The following PDE4DIP variants were observed in gnomAD, a reference collection of about 807,000 sequenced individuals.
PDE4DIP encodes the protein myomegalin.
A neutral mutation model predicts 221.4 loss-of-function variants in PDE4DIP; 59 were observed. That is an observed-to-expected ratio of 0.27 (90% CI 0.22 to 0.33). The LOEUF is 0.33. Ranked by LOEUF, PDE4DIP falls within the 10% of genes least tolerant of loss-of-function variation. The pLI, the probability that PDE4DIP is intolerant of heterozygous loss-of-function variation, is 1.00. For missense variants in PDE4DIP, 1,036 were observed against 2,154.2 expected, an observed-to-expected ratio of 0.48 and a Z score of 10.28; for synonymous variants, 404 against 815.9, an observed-to-expected ratio of 0.50 and a Z score of 8.60.
chr1:148,816,812 AC>A (rs1393068451), intron 1 of PDE4DIP, among the ~76,000 whole-genome samples: 2 of 57,688 alleles, frequency 3.5e-5, no homozygotes, highest in Non-Finnish European at 8.2e-5. Flanking sequence ...AAAAATGTAG[AC>A]CCCTCTGTTC....
chr1:148,938,153 G>C lies in PDE4DIP; in HGVS notation c.636+289G>C, dbSNP rs587620994. On this transcript the variant is annotated intron_variant, in intron 5 of 43. Coordinates refer to ENST00000369354, the Ensembl canonical transcript of PDE4DIP. The stretch of plus-strand genomic sequence containing the variant: ...AAGGATCGGCTTCTAAGCTCCTCAG[G>C]CTGTTGGAAGGATTTATTGCTGTGT... The C allele has an allele frequency of 2.1e-3, 467 of 226,238 alleles. 2 individuals are homozygous for C. Among genetic ancestry groups the C allele is most frequent in the Non-Finnish European group, 3.3e-3 (371 of 113,988 alleles). The allele number at this position is 226,238 out of a possible 1,614,324, so 14.0% of individuals were successfully genotyped here.
chr1:148,987,324 G>A (rs1489015539), intron 21 of PDE4DIP, among the ~76,000 whole-genome samples: 2 of 152,160 alleles, frequency 1.3e-5, no homozygotes, highest in African/African-American at 4.8e-5. Flanking sequence ...GTTTTCTTAT[G>A]ATCCTGAAGG....
At chr1:148,931,682 A>T in intron 2 of PDE4DIP, 118 bp from the exon 6 acceptor site, 1 of 943,666 alleles carries the variant, frequency 1.1e-6, no homozygotes, top group South Asian at 1.3e-5. Context: ...TGGTGGAAAT[A>T]TAAACCAGTT....
At chr1:148,990,315 A>T in intron 21 of PDE4DIP, 1 of 985,206 alleles carries the variant, frequency 1.0e-6, no homozygotes, top group Middle Eastern at 5.2e-4. Flanking sequence ...GAAGGGGAAG[A>T]AACAAAACCC....
At chr1:148,955,683 G>A (rs1208850718) in intron 5 of PDE4DIP, among the ~76,000 whole-genome samples, 4 of 151,702 alleles carry the variant, frequency 2.6e-5, no homozygotes, top group African/African-American at 7.3e-5. Flanking sequence ...AAGGATGCTC[G>A]GAGGATTCTT....
At chr1:149,007,118 A>G (rs1553599684) in intron 27 of PDE4DIP, 83 bp from the exon 31 acceptor site, 2 of 666,324 alleles carry the variant, frequency 3.0e-6, no homozygotes, top group African/African-American at 1.8e-5. Flanking sequence ...TTCTCATAGA[A>G]ATCTCTACAG....
At chr1:149,011,121 C>G (rs1446679631) in intron 31 of PDE4DIP, among the ~76,000 whole-genome samples, 7 of 152,006 alleles carry the variant, frequency 4.6e-5, no homozygotes, top group Non-Finnish European at 1.0e-4. Context: ...TAGTGCATAT[C>G]TTGGGGGCAG....
chr1:148,919,265 T>C (rs2044854844), intron 1 of PDE4DIP, among the ~76,000 whole-genome samples: 1 of 151,430 alleles, frequency 6.6e-6, no homozygotes, highest in South Asian at 2.1e-4. Flanking sequence ...CAGGTGGTAT[T>C]ATCATTCTTA....
chr1:148,955,456 T>G (rs2055017728), intron 5 of PDE4DIP, among the ~76,000 whole-genome samples: 1 of 152,144 alleles, frequency 6.6e-6, no homozygotes, highest in Non-Finnish European at 1.5e-5. Flanking sequence ...GACTGGATTT[T>G]GGAGTGGAGA....
intron 1 of PDE4DIP, among the ~76,000 whole-genome samples, chr1:148,820,572 A>G (rs1553359665): frequency 7.1e-6 from 1 of 139,968 alleles, no homozygotes; most frequent in Admixed American, 7.2e-5. Flanking sequence ...AAAAAAAAAA[A>G]AAAAAAAAGA....
At chr1:148,954,146 C>T (rs1168278268) in intron 5 of PDE4DIP, among the ~76,000 whole-genome samples, 1 of 152,018 alleles carries the variant, frequency 6.6e-6, no homozygotes, top group Admixed American at 6.5e-5. Flanking sequence ...AATTGTATAC[C>T]TTTTAAAACA....
Position 149,007,144 on chromosome 1 carries a change from C to T in PDE4DIP, c.4416-57C>T, listed in dbSNP as rs1236292565. The T allele has an allele frequency of 9.6e-6, 6 of 623,358 alleles. No individual in the cohort carries two copies. The East Asian group carries it at 1.1e-4, about 11-fold the overall frequency. The allele number at this position is 623,358 out of a possible 1,614,324, so 38.6% of individuals were successfully genotyped here. A position where few individuals can be genotyped will look rare whatever the true frequency, so the allele number is the denominator to read the frequency against. On this transcript the variant is annotated intron_variant, in intron 27 of 43. Transcript: ENST00000369354. ...ATCTCTACAGAAGCCCCCATAACTC[C>T]ATAAGTTAGCTTCCACTCTTTCCAT...
chr1:149,029,674 T>C, intron 41 of PDE4DIP, 113 bp from the exon 45 acceptor site: 1 of 754,180 alleles, frequency 1.3e-6, no homozygotes, highest in East Asian at 2.5e-5. Flanking sequence ...GGAAATCCAG[T>C]TCAAGAGAGT....
At chr1:148,876,211 TCTC>T (rs1470553693) in intron 3 of PDE4DIP, among the ~76,000 whole-genome samples, 2 of 103,670 alleles carry the variant, frequency 1.9e-5, no homozygotes, top group African/African-American at 3.8e-5. Flanking sequence ...CTCCTTTCTG[TCTC>T]CTCATTAAAA....
chr1:148,977,824 AT>A, intron 17 of PDE4DIP, 112 bp from the exon 21 acceptor site: 1 of 1,487,946 alleles, frequency 6.7e-7, no homozygotes, highest in Non-Finnish European at 9.1e-7. Flanking sequence ...GTAGAGCCCT[AT>A]TCATGTTCTC....
chr1:149,009,762 A>T, exon 30 of PDE4DIP: 1 of 1,611,108 alleles, frequency 6.2e-7, no homozygotes, highest in Non-Finnish European at 8.5e-7. Context: ...ACACACTATG[A>T]AGAGAAGAAA....
intron 32 of PDE4DIP, among the ~76,000 whole-genome samples, chr1:149,013,457 T>TGCTTTGATGTATTTGTAGG (rs1553607594): frequency 2.3e-5 from 2 of 85,372 alleles, no homozygotes; most frequent in East Asian, 5.9e-4. Context: ...TTTTAGAAAG[T>TGCTTTGATGTATTTGTAGG]GCTTTGATGT....
In PDE4DIP at chr1:149,010,389, A is replaced by T; in HGVS notation, c.4928-54A>T. On this transcript the variant is annotated intron_variant, in intron 30 of 43. Coordinates refer to ENST00000369354, the Ensembl canonical transcript of PDE4DIP. ...ACCCCTGGGTAAACATAAGGCCAGG[A>T]TTCCAGTTCTCTGTAGAACATCATA... 3.2e-6 allele frequency: 5 copies of T among 1,561,916 alleles called. No individual in the cohort carries two copies. The South Asian group carries it at 5.6e-5, about 18-fold the overall frequency.
intron 1 of PDE4DIP, among the ~76,000 whole-genome samples, chr1:148,893,261 T>C (rs1307355024): frequency 7.9e-6 from 1 of 126,710 alleles, no homozygotes; most frequent in African/African-American, 3.1e-5. Flanking sequence ...CACAGTTCTG[T>C]TTTGATGTAA....
Sources: gnomAD v4.1 joint callset for allele counts (sites outside exome capture counted in the v4.1 genomes callset) on GRCh38, gnomAD v4.1.1 for gene constraint, MANE v1.5 for transcripts, NCBI Gene and HGNC (gene_info 2026-07-23, HGNC 2026-07-21) for gene names.